The following KCNH7 variants were observed in gnomAD, a reference collection of about 807,000 sequenced individuals.
KCNH7 encodes potassium voltage-gated channel subfamily H member 7, also known as voltage-gated inwardly rectifying potassium channel KCNH7.
KCNH7 carries 49 observed loss-of-function variants against 120.8 expected under a neutral mutation model. That is an observed-to-expected ratio of 0.41 (90% CI 0.32 to 0.51). KCNH7 has a LOEUF of 0.51. Among genes scored for constraint, KCNH7 ranks in the 20% least tolerant of loss-of-function variants. The pLI is 0.38. For missense variants in KCNH7, 1,097 were observed against 1,446.6 expected, an observed-to-expected ratio of 0.76 and a Z score of 3.92; for synonymous variants, 547 against 516.1, an observed-to-expected ratio of 1.06 and a Z score of -0.81.
At chr2:162,436,867 T>G (rs1266337097) in intron 7 of KCNH7, among the ~76,000 whole-genome samples, 1 of 152,146 alleles carries the variant, frequency 6.6e-6, no homozygotes, top group African/African-American at 2.4e-5. Flanking sequence ...CCCAGTACTT[T>G]GGCAGGCTGA....
At position 162,485,236 on chromosome 2, in the gene KCNH7, T is replaced by C. The variant is rs1029809581; in HGVS notation, c.1128+19207A>G. On this transcript the variant is annotated intron_variant, in intron 6 of 15. Coordinates refer to ENST00000332142, the MANE Select transcript of KCNH7 (RefSeq NM_033272.4). ...GTTTGCTTTCAAAATGCAAACAAAT[T>C]TGGGGGAATCTACATGAGAAACATA... Among the ~76,000 whole-genome samples, 3 of 152,266 alleles carry C rather than the reference T, an allele frequency of 2.0e-5. No individual in the cohort carries two copies. The East Asian group carries it at 5.8e-4, about 29-fold the overall frequency.
chr2:162,426,482 GT>G (rs1008086244), intron 8 of KCNH7, among the ~76,000 whole-genome samples: 80 of 152,186 alleles, frequency 5.3e-4, no homozygotes, highest in African/African-American at 1.8e-3. Context: ...AGTATTTTTA[GT>G]TTTATAAAAT....
intron 2 of KCNH7, among the ~76,000 whole-genome samples, chr2:162,617,500 A>C (rs755541290): frequency 6.6e-6 from 1 of 152,086 alleles, no homozygotes; most frequent in African/African-American, 2.4e-5. Context: ...CAAAAAAAAA[A>C]TAGAATTTAG....
At chr2:162,589,493 A>G (rs964986599) in intron 2 of KCNH7, among the ~76,000 whole-genome samples, 2 of 151,762 alleles carry the variant, frequency 1.3e-5, no homozygotes, top group Non-Finnish European at 2.9e-5. Flanking sequence ...CAGATGTTTT[A>G]AAGAAACAGA....
chr2:162,749,746 A>G (rs1171985557), intron 2 of KCNH7, among the ~76,000 whole-genome samples: 1 of 152,176 alleles, frequency 6.6e-6, no homozygotes, highest in Non-Finnish European at 1.5e-5. Flanking sequence ...AAAGCAATAC[A>G]TCTCAAGGGC....
chr2:162,479,159 A>G (rs1428379117), intron 6 of KCNH7, among the ~76,000 whole-genome samples: 3 of 151,062 alleles, frequency 2.0e-5, no homozygotes, highest in Non-Finnish European at 4.4e-5. Context: ...AAAAAAAAAA[A>G]GAATGTGAAA....
intron 2 of KCNH7, among the ~76,000 whole-genome samples, chr2:162,724,111 T>G (rs1399697437): frequency 1.3e-5 from 2 of 152,158 alleles, no homozygotes; most frequent in Non-Finnish European, 2.9e-5. Flanking sequence ...AGAATGATAG[T>G]TAATTTTCTA....
chr2:162,554,098 C>A (rs535979106), intron 2 of KCNH7, among the ~76,000 whole-genome samples: 33 of 152,060 alleles, frequency 2.2e-4, no homozygotes, highest in Non-Finnish European at 4.3e-4. Context: ...AGAAAATGAC[C>A]CCTGTGGCTC....
At chr2:162,806,926 A>G (rs1684557687) in intron 2 of KCNH7, among the ~76,000 whole-genome samples, 1 of 152,158 alleles carries the variant, frequency 6.6e-6, no homozygotes, top group African/African-American at 2.4e-5. Flanking sequence ...ATAGATTACT[A>G]CATAATCTAT....
intron 9 of KCNH7, among the ~76,000 whole-genome samples, chr2:162,413,588 A>C (rs1425933237): frequency 6.6e-6 from 1 of 152,178 alleles, no homozygotes; most frequent in African/African-American, 2.4e-5. Context: ...ACTATTTTCT[A>C]TTCATGTGAA....
intron 2 of KCNH7, among the ~76,000 whole-genome samples, chr2:162,713,730 G>A (rs1687008485): frequency 1.3e-5 from 2 of 151,946 alleles, no homozygotes; most frequent in African/African-American, 2.4e-5. Flanking sequence ...TATTATTGTT[G>A]TTGTTTTTCT....
intron 2 of KCNH7, among the ~76,000 whole-genome samples, chr2:162,619,774 C>T (rs1201794305): frequency 6.6e-6 from 1 of 152,074 alleles, no homozygotes; most frequent in East Asian, 1.9e-4. Flanking sequence ...TTAAACGCAT[C>T]TTCTTCTACA....
chr2:162,394,584 T>G, intron 11 of KCNH7, 99 bp from the exon 12 acceptor site: 2 of 700,966 alleles, frequency 2.9e-6, no homozygotes, highest in Non-Finnish European at 4.8e-6. Flanking sequence ...GTTTCAACCA[T>G]CTTGAGACTT....
intron 10 of KCNH7, among the ~76,000 whole-genome samples, chr2:162,399,764 T>A (rs1253268636): frequency 6.6e-6 from 1 of 151,794 alleles, no homozygotes; most frequent in Non-Finnish European, 1.5e-5. Context: ...ATAAATGAAA[T>A]TCATCAAAAC....
intron 12 of KCNH7, among the ~76,000 whole-genome samples, chr2:162,392,544 T>C (rs965774958): frequency 2.0e-5 from 3 of 151,956 alleles, no homozygotes; most frequent in African/African-American, 7.2e-5. Context: ...ATGCTCAAAT[T>C]CTATTTCAGT....
chr2:162,480,265 A>C (rs189845417), intron 6 of KCNH7, among the ~76,000 whole-genome samples: 1 of 152,264 alleles, frequency 6.6e-6, no homozygotes, highest in Admixed American at 6.5e-5. Flanking sequence ...AGTCTTCAGT[A>C]AACACAGGAA....
chr2:162,752,903 AAAAAGAAAAG>A (rs1332067169), intron 2 of KCNH7, among the ~76,000 whole-genome samples: 2 of 32,076 alleles, frequency 6.2e-5, no homozygotes, highest in African/African-American at 9.9e-5. Flanking sequence ...TACATCTCAG[AAAAAGAAAAG>A]AAAAGAAAAG....
At chr2:162,820,439 T>C (rs1020167758) in intron 2 of KCNH7, among the ~76,000 whole-genome samples, 1 of 151,976 alleles carries the variant, frequency 6.6e-6, no homozygotes, top group Non-Finnish European at 1.5e-5. Flanking sequence ...AACAGGAAAA[T>C]AGGCAATTAG....
intron 2 of KCNH7, among the ~76,000 whole-genome samples, chr2:162,835,627 T>G (rs185255766): frequency 6.6e-6 from 1 of 151,786 alleles, no homozygotes; most frequent in Non-Finnish European, 1.5e-5. Context: ...TATAGATATA[T>G]ATAGATATAG....
Sources: allele counts gnomAD v4.1 joint callset (sites outside exome capture counted in the v4.1 genomes callset), GRCh38; gene constraint gnomAD v4.1.1; transcripts MANE v1.5; gene names NCBI Gene and HGNC (gene_info 2026-07-23, HGNC 2026-07-21).